XIRP2: variants seen among roughly 807,000 people sequenced by gnomAD.
XIRP2 encodes xin actin-binding repeat-containing protein 2.
A neutral mutation model predicts 277.0 loss-of-function variants in XIRP2; 236 were observed. The ratio of observed to expected loss-of-function variants is 0.85; its 90% confidence interval spans 0.77 to 0.95. The LOEUF is 0.95. XIRP2 is among the 40% of genes least tolerant of loss of function. XIRP2 has a pLI of 0.00. For missense variants in XIRP2, 4,640 were observed against 4,157.5 expected (o/e 1.12, Z -3.19); for synonymous variants, 1,490 against 1,416.5 (o/e 1.05, Z -1.17).
intron 5 of XIRP2, among the ~76,000 whole-genome samples, chr2:167,230,347 C>T (rs1285077381): frequency 6.6e-6 from 1 of 151,894 alleles, no homozygotes; most frequent in East Asian, 1.9e-4. Flanking sequence ...AACAAATAAC[C>T]CCCACCGTCA....
intron 3 of XIRP2, among the ~76,000 whole-genome samples, chr2:167,148,413 AAG>A (rs1190803678): frequency 1.4e-5 from 2 of 147,660 alleles, no homozygotes; most frequent in African/African-American, 5.0e-5. Flanking sequence ...AAAAGAAAGA[AAG>A]AGAGAAAGAA....
intron 2 of XIRP2, among the ~76,000 whole-genome samples, chr2:167,089,440 A>C (rs909126702): frequency 6.6e-6 from 1 of 152,172 alleles, no homozygotes. Context: ...CAAGACAGTC[A>C]TCACACTTCA....
chr2:167,204,764 GTATT>G (rs1559019885), intron 3 of XIRP2, among the ~76,000 whole-genome samples: 1 of 151,840 alleles, frequency 6.6e-6, no homozygotes, highest in African/African-American at 2.4e-5. Context: ...ACAAACACGC[GTATT>G]TATTATAATT....
intron 2 of XIRP2, among the ~76,000 whole-genome samples, chr2:167,085,221 A>C (rs1166368684): frequency 6.6e-6 from 1 of 151,202 alleles, no homozygotes; most frequent in Non-Finnish European, 1.5e-5. Context: ...ATTCAGGAGC[A>C]GGTTGTTCAG....
At chr2:167,003,922 A>T (rs891142422) in intron 2 of XIRP2, among the ~76,000 whole-genome samples, 6 of 151,954 alleles carry the variant, frequency 3.9e-5, no homozygotes, top group African/African-American at 1.4e-4. Context: ...TTGCAAAATA[A>T]TTGTAAAAAA....
At chr2:167,228,890 T>C (rs755872212) in intron 5 of XIRP2, among the ~76,000 whole-genome samples, 2 of 152,170 alleles carry the variant, frequency 1.3e-5, no homozygotes, top group African/African-American at 2.4e-5. Flanking sequence ...TTTGTTCCTA[T>C]AGAACCTATT....
chr2:167,097,962 T>C (rs1033897178), intron 2 of XIRP2, among the ~76,000 whole-genome samples: 1 of 152,208 alleles, frequency 6.6e-6, no homozygotes, highest in Non-Finnish European at 1.5e-5. Context: ...CTAACCTCTT[T>C]CTCTGGCTGC....
Position 166,981,293 on chromosome 2 carries a change from G to C in XIRP2, c.408+77403G>C, listed in dbSNP as rs1231783825. On this transcript the variant is annotated intron_variant, in intron 2 of 10. Transcript: ENST00000409195. ...AAGAATCCTTCTTTTTCTCTTCCTA[G>C]CTTCTAGTGGTTGCTAGTAATCCTT... Among the ~76,000 whole-genome samples the C allele has an allele frequency of 2.0e-5, 3 of 152,124 alleles. No homozygotes were observed. The East Asian group carries it at 5.8e-4, about 29-fold the overall frequency.
At chr2:166,947,914 T>C (rs1685922335) in intron 2 of XIRP2, among the ~76,000 whole-genome samples, 1 of 152,046 alleles carries the variant, frequency 6.6e-6, no homozygotes, top group Non-Finnish European at 1.5e-5. Context: ...GGAATATTAC[T>C]CAGCACTAAA....
rs368801680 is a variant in XIRP2, at chr2:167,244,918, A to C, written c.3526A>C (p.Ser1176Arg). Residue 1176 changes from serine (S) to arginine (R), a missense_variant, in exon 9 of 11, where the codon AGC becomes CGC. Ser to Arg is a moderately radical substitution (Grantham distance 110). Transcript: ENST00000409195. ...TCTTTTTGAGACAGAAAATTTGGAC[A>C]GCATACAAGGAGAAGAAGTGAAGGA... ...CFLFETENLDSIQGEEVKEIK... is the reference protein window; with the variant it reads ...CFLFETENLDRIQGEEVKEIK... 6.8e-6 allele frequency: 11 copies of C among 1,613,106 alleles called. 1 individual carries two copies. In the African/African-American group the frequency reaches 9.3e-5, roughly 14 times the overall value.
At chr2:167,204,745 T>C (rs903480411) in intron 3 of XIRP2, among the ~76,000 whole-genome samples, 10 of 152,208 alleles carry the variant, frequency 6.6e-5, no homozygotes, top group Non-Finnish European at 1.2e-4. Context: ...TCAGTGTTCT[T>C]TATTGAAAAC....
intron 1 of XIRP2, among the ~76,000 whole-genome samples, chr2:166,896,969 T>C (rs1684261287): frequency 6.6e-6 from 1 of 152,200 alleles, no homozygotes; most frequent in Non-Finnish European, 1.5e-5. Flanking sequence ...GCTGTTAGCC[T>C]AGGAGCAAAG....
intron 3 of XIRP2, among the ~76,000 whole-genome samples, chr2:167,204,803 C>T (rs1015168512): frequency 3.9e-5 from 6 of 151,960 alleles, no homozygotes; most frequent in South Asian, 2.1e-4. Context: ...TTTATTTTCT[C>T]GCATAAATTT....
chr2:166,946,864 A>C (rs1272688050), intron 2 of XIRP2, among the ~76,000 whole-genome samples: 1 of 152,162 alleles, frequency 6.6e-6, no homozygotes, highest in Admixed American at 6.6e-5. Flanking sequence ...TTTAATATCC[A>C]AGGGATAACA....
At chr2:167,147,435 G>A (rs1397861851) in intron 3 of XIRP2, among the ~76,000 whole-genome samples, 1 of 152,168 alleles carries the variant, frequency 6.6e-6, no homozygotes, top group Non-Finnish European at 1.5e-5. Context: ...TGCCGACAAT[G>A]TGATTTATGA....
rs567641065 is a variant in XIRP2, at chr2:167,082,673, G to C, written c.409-53236G>C. Among the ~76,000 whole-genome samples the C allele has an allele frequency of 2.8e-4, 42 of 152,276 alleles. No individual in the cohort carries two copies. In the South Asian group the frequency reaches 3.5e-3, roughly 13 times the overall value. ...TGAGATGGTATCTCATTGTGGTTTTGATTTGCATTTCTCTGATGGCCACTG... is the reference window on the plus strand; with the variant it reads ...TGAGATGGTATCTCATTGTGGTTTTCATTTGCATTTCTCTGATGGCCACTG... On this transcript the variant is annotated intron_variant, in intron 2 of 10. Coordinates refer to ENST00000409195, the MANE Select transcript of XIRP2 (RefSeq NM_152381.6).
intron 3 of XIRP2, among the ~76,000 whole-genome samples, chr2:167,201,206 G>GAAAA (rs1388011852): frequency 1.2e-5 from 1 of 84,626 alleles, no homozygotes; most frequent in African/African-American, 5.4e-5. Context: ...AAGAAAGAAA[G>GAAAA]AAAGAAAGAA....
At chr2:167,184,510 CA>C (rs1190849981) in intron 3 of XIRP2, 1 of 709,852 alleles carries the variant, frequency 1.4e-6, no homozygotes, top group Admixed American at 2.1e-5. Flanking sequence ...ATGGAATTGC[CA>C]AAGGTTCTGC....
chr2:167,091,740 C>T (rs930054985), intron 2 of XIRP2, among the ~76,000 whole-genome samples: 2 of 152,016 alleles, frequency 1.3e-5, no homozygotes, highest in Non-Finnish European at 2.9e-5. Flanking sequence ...AATTACAGAA[C>T]TATAATTAAT....
Sources: allele counts gnomAD v4.1 joint callset (sites outside exome capture counted in the v4.1 genomes callset), GRCh38; gene constraint gnomAD v4.1.1; transcripts MANE v1.5; gene names NCBI Gene and HGNC (gene_info 2026-07-23, HGNC 2026-07-21).